The following SUGCT variants were observed in gnomAD, a reference collection of about 807,000 sequenced individuals.
SUGCT encodes succinyl-CoA:glutarate CoA-transferase.
Under a neutral mutation model 55.0 loss-of-function variants are expected in SUGCT, and 41 were observed. The observed-to-expected ratio is 0.74, with a 90% confidence interval of 0.58 to 0.97. SUGCT has a LOEUF of 0.97. Among genes scored for constraint, SUGCT ranks in the 50% least tolerant of loss-of-function variants. SUGCT has a pLI of 0.00. For synonymous variants in SUGCT, 187 were observed against 200.4 expected, an observed-to-expected ratio of 0.93 and a Z score of 0.56; for missense variants, 568 against 547.8, an observed-to-expected ratio of 1.04 and a Z score of -0.37.
At chr7:40,519,188 C>T (rs1167976767) in intron 12 of SUGCT, among the ~76,000 whole-genome samples, 1 of 152,006 alleles carries the variant, frequency 6.6e-6, no homozygotes, top group Admixed American at 6.6e-5. Flanking sequence ...TTCACAAATG[C>T]CATCTCCATG....
chr7:40,212,918 TTGA>T (rs1295219985), intron 6 of SUGCT, among the ~76,000 whole-genome samples: 4 of 152,296 alleles, frequency 2.6e-5, no homozygotes, highest in South Asian at 2.1e-4. Flanking sequence ...ATTAATTAAC[TTGA>T]TGATGGTAAT....
chr7:40,760,920 G>A (rs2128720488), intron 13 of SUGCT, among the ~76,000 whole-genome samples: 1 of 152,280 alleles, frequency 6.6e-6, no homozygotes, highest in Admixed American at 6.5e-5. Context: ...AGGATTAAGT[G>A]GAAACACAGT....
At chr7:40,882,534 C>T in the SUGCT span, among the ~76,000 whole-genome samples, 702 of 152,270 alleles carry the variant, frequency 4.6e-3, 7 homozygotes, top group African/African-American at 0.016. Flanking sequence ...CTGTCATTAA[C>T]AGAAGAGGAC....
the SUGCT span, among the ~76,000 whole-genome samples, chr7:40,951,302 G>T: frequency 6.6e-6 from 1 of 152,030 alleles, no homozygotes; most frequent in African/African-American, 2.4e-5. Flanking sequence ...GATCGGTGGT[G>T]ATATCCTATC....
At chr7:40,846,823 A>G (rs1793579954) in intron 13 of SUGCT, among the ~76,000 whole-genome samples, 1 of 152,162 alleles carries the variant, frequency 6.6e-6, no homozygotes, top group South Asian at 2.1e-4. Context: ...GTTCTAATGA[A>G]ATTCTTCAGT....
chr7:40,407,260 A>G (rs79274056), intron 9 of SUGCT, among the ~76,000 whole-genome samples: 3,070 of 152,182 alleles, frequency 0.02, 56 homozygotes, highest in Non-Finnish European at 0.03. Flanking sequence ...CTCTATGAAT[A>G]GAAATATAAT....
the SUGCT span, among the ~76,000 whole-genome samples, chr7:40,883,047 G>C: frequency 6.6e-6 from 1 of 152,096 alleles, no homozygotes; most frequent in African/African-American, 2.4e-5. Context: ...CAACACTTTG[G>C]TTTAGTTGTC....
At chr7:41,026,119 G>A in the SUGCT span, among the ~76,000 whole-genome samples, 4 of 152,202 alleles carry the variant, frequency 2.6e-5, no homozygotes, top group East Asian at 5.8e-4. Context: ...TTGGTCTTAC[G>A]TTGCCTCCTG....
intron 12 of SUGCT, among the ~76,000 whole-genome samples, chr7:40,561,722 C>T (rs1018620771): frequency 5.4e-5 from 7 of 130,380 alleles, no homozygotes; most frequent in East Asian, 4.8e-4. Flanking sequence ...GATGGAGTCT[C>T]GTTCTGTTGC....
intron 11 of SUGCT, among the ~76,000 whole-genome samples, chr7:40,494,759 A>T (rs994317911): frequency 6.6e-6 from 1 of 152,168 alleles, no homozygotes; most frequent in Non-Finnish European, 1.5e-5. Flanking sequence ...TTAAGTAAAA[A>T]CTTATATGAT....
intron 13 of SUGCT, among the ~76,000 whole-genome samples, chr7:40,766,232 A>G (rs1788782645): frequency 2.0e-5 from 3 of 152,180 alleles, no homozygotes; most frequent in Non-Finnish European, 2.9e-5. Flanking sequence ...CTATTTAGAG[A>G]CAGGGTCTCA....
At chr7:40,257,250 A>C (rs1790873311) in intron 7 of SUGCT, among the ~76,000 whole-genome samples, 1 of 152,088 alleles carries the variant, frequency 6.6e-6, no homozygotes, top group East Asian at 1.9e-4. Context: ...GATAGAATAC[A>C]TTATTTTCAT....
At chr7:40,448,912 G>A (rs1224167713) in intron 9 of SUGCT, among the ~76,000 whole-genome samples, 3 of 148,282 alleles carry the variant, frequency 2.0e-5, no homozygotes, top group Admixed American at 6.7e-5. Context: ...ATATGTGTGT[G>A]TGTGTGTATA....
chr7:40,147,388 C>T (rs1316807587), intron 1 of SUGCT, among the ~76,000 whole-genome samples: 1 of 152,172 alleles, frequency 6.6e-6, no homozygotes, highest in South Asian at 2.1e-4. Context: ...TTTCTCACCT[C>T]TTTTTAACCT....
chr7:40,686,431 T>G (rs893841539), intron 12 of SUGCT, among the ~76,000 whole-genome samples: 4 of 152,192 alleles, frequency 2.6e-5, no homozygotes, highest in Non-Finnish European at 2.9e-5. Context: ...TATAAAGAAG[T>G]TAATTTGCAT....
chr7:40,975,834 A>G, the SUGCT span, among the ~76,000 whole-genome samples: 1 of 152,226 alleles, frequency 6.6e-6, no homozygotes, highest in Non-Finnish European at 1.5e-5. Context: ...TATCTTCTAC[A>G]CTTTCTTAAG....
intron 12 of SUGCT, among the ~76,000 whole-genome samples, chr7:40,623,147 G>C (rs1799355928): frequency 1.3e-5 from 2 of 152,148 alleles, no homozygotes; most frequent in Non-Finnish European, 2.9e-5. Flanking sequence ...GGTGCCACAA[G>C]GGAAGGCTAC....
At chr7:40,393,647 G>C (rs1785562474) in intron 9 of SUGCT, among the ~76,000 whole-genome samples, 1 of 152,086 alleles carries the variant, frequency 6.6e-6, no homozygotes. Flanking sequence ...GATAGAGGAG[G>C]GAGTATGACC....
chr7:40,918,081 C>A, the SUGCT span, among the ~76,000 whole-genome samples: 1 of 152,018 alleles, frequency 6.6e-6, no homozygotes, highest in Non-Finnish European at 1.5e-5. Flanking sequence ...TGTTTCCTAG[C>A]CATGAGCCTA....
Sources: gnomAD v4.1 joint callset for allele counts (sites outside exome capture counted in the v4.1 genomes callset) on GRCh38, gnomAD v4.1.1 for gene constraint, MANE v1.5 for transcripts, NCBI Gene and HGNC (gene_info 2026-07-23, HGNC 2026-07-21) for gene names.